The following IL1RAPL2 variants were observed in gnomAD, a reference collection of about 807,000 sequenced individuals.
IL1RAPL2 encodes X-linked interleukin-1 receptor accessory protein-like 2.
Under a neutral mutation model 44.1 loss-of-function variants are expected in IL1RAPL2, and 3 were observed. That is an observed-to-expected ratio of 0.07 (90% CI 0.03 to 0.18). The LOEUF (loss-of-function observed/expected upper bound fraction) is 0.18. IL1RAPL2 is among the 10% of genes least tolerant of loss of function. The probability of loss-of-function intolerance (pLI) is 1.00; values close to 1 mark genes in which losing one functional copy is unlikely to be tolerated. For synonymous variants in IL1RAPL2, 181 were observed against 178.8 expected, an observed-to-expected ratio of 1.01 and a Z score of -0.10; for missense variants, 391 against 496.4, an observed-to-expected ratio of 0.79 and a Z score of 2.02.
chrX:104,656,602 G>A (rs1241605269), intron 1 of IL1RAPL2, among the ~76,000 whole-genome samples: 11 of 111,643 alleles, frequency 9.9e-5, no homozygotes, highest in African/African-American at 3.6e-4. Context: ...CAACTATGTG[G>A]TCGGTTTTGG....
At chrX:105,131,533 T>A (rs1433737255) in intron 2 of IL1RAPL2, among the ~76,000 whole-genome samples, 2 of 106,574 alleles carry the variant, frequency 1.9e-5, no homozygotes, top group African/African-American at 3.3e-5. Context: ...CTGTAAATAT[T>A]TTTTTTTTTT....
At chrX:104,861,546 C>A (rs956165162) in intron 2 of IL1RAPL2, among the ~76,000 whole-genome samples, 4 of 111,164 alleles carry the variant, frequency 3.6e-5, no homozygotes, top group African/African-American at 1.3e-4. Context: ...CAAGCCATAA[C>A]CCCATTGTAA....
chrX:105,420,601 C>A (rs1374920271), intron 5 of IL1RAPL2, among the ~76,000 whole-genome samples: 1 of 111,907 alleles, frequency 8.9e-6, no homozygotes, highest in Non-Finnish European at 1.9e-5. Flanking sequence ...TTAAAAGTTA[C>A]ATTTATATTG....
intron 2 of IL1RAPL2, among the ~76,000 whole-genome samples, chrX:105,047,311 T>C (rs771961423): frequency 8.9e-6 from 1 of 112,152 alleles, no homozygotes; most frequent in East Asian, 2.8e-4. Context: ...TTCAGATTAA[T>C]TCAAACTATT....
At chrX:105,572,146 T>TG (rs2037018651) in intron 6 of IL1RAPL2, among the ~76,000 whole-genome samples, 1 of 111,515 alleles carries the variant, frequency 9.0e-6, no homozygotes, top group South Asian at 3.7e-4. Flanking sequence ...GTGACATCAA[T>TG]TTTTCCCCGA....
intron 2 of IL1RAPL2, among the ~76,000 whole-genome samples, chrX:104,895,820 G>A (rs1371678496): frequency 5.4e-5 from 6 of 111,820 alleles, no homozygotes; most frequent in Admixed American, 4.7e-4. Flanking sequence ...AAGCCCCAGT[G>A]AGATGAACCT....
rs780083755 is a variant in IL1RAPL2, at chrX:105,034,946, G to A, written c.83-160529G>A. Among the ~76,000 whole-genome samples the A allele has an allele frequency of 3.2e-4, 34 of 104,668 alleles. No individual in the cohort carries two copies. In the South Asian group the frequency reaches 6.6e-3, roughly 20 times the overall value. 90.9% of individuals were successfully genotyped at this position (104,668 alleles called of 115,157 possible). A position where few individuals can be genotyped will look rare whatever the true frequency, so the allele number is the denominator to read the frequency against. The stretch of plus-strand genomic sequence containing the variant: ...CTAATCAAGCCTGGGCAATGCGGGC[G>A]CCCCTCCCCCAGCCTGGCTGCCACC... On this transcript the variant is annotated intron_variant, in intron 2 of 10. Transcript: ENST00000372582.
At chrX:104,994,655 A>G (rs1221493351) in intron 2 of IL1RAPL2, among the ~76,000 whole-genome samples, 1 of 111,283 alleles carries the variant, frequency 9.0e-6, no homozygotes, top group Non-Finnish European at 1.9e-5. Context: ...ATTCAAGGGT[A>G]TCTACTCTGA....
chrX:105,413,096 AT>A (rs1188133746), intron 5 of IL1RAPL2, among the ~76,000 whole-genome samples: 3 of 111,811 alleles, frequency 2.7e-5, no homozygotes, highest in Non-Finnish European at 5.6e-5. Context: ...AGTATATGTA[AT>A]TTATTTTCTG....
intron 2 of IL1RAPL2, among the ~76,000 whole-genome samples, chrX:105,068,499 T>C (rs1301466211): frequency 8.9e-6 from 1 of 112,008 alleles, no homozygotes; most frequent in Non-Finnish European, 1.9e-5. Context: ...TCTATAAATA[T>C]GTTAAGAACT....
chrX:104,948,681 G>C (rs1260762480), intron 2 of IL1RAPL2, among the ~76,000 whole-genome samples: 1 of 111,053 alleles, frequency 9.0e-6, no homozygotes, highest in Non-Finnish European at 1.9e-5. Flanking sequence ...ATAATCATGT[G>C]GTTTTTGTCT....
chrX:105,055,880 A>C (rs773424238), intron 2 of IL1RAPL2, among the ~76,000 whole-genome samples: 2 of 111,761 alleles, frequency 1.8e-5, no homozygotes, highest in African/African-American at 6.5e-5. Flanking sequence ...GGCCAGGAAA[A>C]GAGCAACCAA....
intron 5 of IL1RAPL2, among the ~76,000 whole-genome samples, chrX:105,348,754 G>T (rs1179732873): frequency 9.0e-6 from 1 of 111,556 alleles, no homozygotes; most frequent in Non-Finnish European, 1.9e-5. Context: ...ACTAAAAGTG[G>T]GGGTTTATAT....
intron 4 of IL1RAPL2, among the ~76,000 whole-genome samples, chrX:105,247,601 A>G (rs1170324243): frequency 3.8e-4 from 36 of 93,588 alleles, no homozygotes; most frequent in Middle Eastern, 5.1e-3. Flanking sequence ...GTATATATAT[A>G]TATGTGTGTG....
At chrX:104,720,480 G>C (rs1931656855) in intron 2 of IL1RAPL2, among the ~76,000 whole-genome samples, 1 of 111,702 alleles carries the variant, frequency 9.0e-6, no homozygotes, top group South Asian at 3.7e-4. Context: ...ACAATTTTAA[G>C]GCAAATGAAA....
intron 2 of IL1RAPL2, among the ~76,000 whole-genome samples, chrX:104,799,677 T>G (rs1199496953): frequency 8.9e-6 from 1 of 112,111 alleles, no homozygotes; most frequent in African/African-American, 3.2e-5. Flanking sequence ...TATCTCCAAG[T>G]GATTTTTAAA....
intron 1 of IL1RAPL2, among the ~76,000 whole-genome samples, chrX:104,607,988 A>G (rs974505029): frequency 8.9e-6 from 1 of 112,222 alleles, no homozygotes; most frequent in Non-Finnish European, 1.9e-5. Context: ...CCAAATGTCC[A>G]TCAATGATAG....
intron 2 of IL1RAPL2, among the ~76,000 whole-genome samples, chrX:104,841,218 C>G (rs1165416027): frequency 9.0e-6 from 1 of 111,547 alleles, no homozygotes; most frequent in Non-Finnish European, 1.9e-5. Context: ...ACCCCTGCTT[C>G]TTTTTGCTTT....
intron 5 of IL1RAPL2, among the ~76,000 whole-genome samples, chrX:105,475,685 A>T (rs1050669255): frequency 1.2e-4 from 13 of 109,057 alleles, no homozygotes; most frequent in African/African-American, 4.0e-4. Context: ...GGAACTGTGA[A>T]GAAAAAAAAA....
Sources: allele counts gnomAD v4.1 joint callset (sites outside exome capture counted in the v4.1 genomes callset), GRCh38; gene constraint gnomAD v4.1.1; transcripts MANE v1.5; gene names NCBI Gene and HGNC (gene_info 2026-07-23, HGNC 2026-07-21).